PCP4: variants seen among roughly 807,000 people sequenced by gnomAD.
PCP4 encodes Purkinje cell protein 4.
Under a neutral mutation model 10.0 loss-of-function variants are expected in PCP4, and 8 were observed. The ratio of observed to expected loss-of-function variants is 0.80; its 90% CI spans 0.47 to 1.45. The LOEUF (loss-of-function observed/expected upper bound fraction) is 1.45. PCP4 is among the 40% of genes most tolerant of loss of function. The probability of loss-of-function intolerance (pLI) is 0.00; values close to 1 mark genes in which losing one functional copy is unlikely to be tolerated. For missense variants in PCP4, 54 were observed against 74.4 expected, an observed-to-expected ratio of 0.73 and a Z score of 1.01; for synonymous variants, 21 against 23.0, an observed-to-expected ratio of 0.91 and a Z score of 0.24.
chr21:39,903,895 A>AAG (rs1273171534), intron 2 of PCP4, among the ~76,000 whole-genome samples: 2 of 151,550 alleles, frequency 1.3e-5, no homozygotes, highest in Non-Finnish European at 2.9e-5. Flanking sequence ...AAAAAAAAAA[A>AAG]AGACTTAGTT....
chr21:39,885,465 C>A (rs573122022), intron 1 of PCP4, among the ~76,000 whole-genome samples: 49 of 152,216 alleles, frequency 3.2e-4, no homozygotes, highest in African/African-American at 1.1e-3. Flanking sequence ...ATCAGGCTGG[C>A]GGCTGGGGAA....
intron 1 of PCP4, among the ~76,000 whole-genome samples, chr21:39,872,577 A>G (rs1251975814): frequency 6.6e-6 from 1 of 152,256 alleles, no homozygotes; most frequent in Non-Finnish European, 1.5e-5. Flanking sequence ...TATGAAACAC[A>G]ACATTAAATA....
intron 2 of PCP4, among the ~76,000 whole-genome samples, chr21:39,927,127 C>T (rs756504553): frequency 6.6e-5 from 10 of 152,154 alleles, no homozygotes; most frequent in Non-Finnish European, 1.0e-4. Flanking sequence ...TGAAGGGTCC[C>T]AGGTGGAAAC....
chr21:39,926,225 T>G (rs891791919), intron 2 of PCP4: 1 of 308,112 alleles, frequency 3.2e-6, no homozygotes, highest in African/African-American at 2.2e-5. Flanking sequence ...ATGTAATATT[T>G]TTCAAATGAG....
chr21:39,928,718 A>T (rs550446728), intron 2 of PCP4, among the ~76,000 whole-genome samples: 1 of 152,334 alleles, frequency 6.6e-6, no homozygotes, highest in African/African-American at 2.4e-5. Flanking sequence ...ATGGTCACTG[A>T]GAACAGAAAA....
chr21:39,877,046 C>A (rs372615485), intron 1 of PCP4, among the ~76,000 whole-genome samples: 2 of 152,342 alleles, frequency 1.3e-5, no homozygotes, highest in South Asian at 2.1e-4. Context: ...GAATCTTGTG[C>A]AGAATCACAG....
intron 2 of PCP4, among the ~76,000 whole-genome samples, chr21:39,902,343 T>C (rs1214425248): frequency 1.3e-5 from 2 of 152,162 alleles, no homozygotes; most frequent in African/African-American, 4.8e-5. Context: ...TATAAAGCAA[T>C]AAAGACTGTG....
intron 2 of PCP4, among the ~76,000 whole-genome samples, chr21:39,910,117 C>T (rs919437964): frequency 2.6e-5 from 4 of 152,086 alleles, no homozygotes. Context: ...CATCCCAGAC[C>T]CTGAAAACAA....
rs2087638277 is a variant in PCP4, at chr21:39,929,017, T to C, written c.95T>C (p.Ile32Thr). 1.2e-6 allele frequency: 2 copies of C among 1,612,808 alleles called. No homozygotes were observed. Among genetic ancestry groups the C allele is most frequent in the East Asian group, 2.2e-5 (1 of 44,814 alleles). Residue 32 changes from isoleucine (I) to threonine (T), a missense_variant, in exon 3 of 3, where the codon ATT becomes ACT. By Grantham distance (89) the Ile-to-Thr change is moderately conservative. Coordinates refer to ENST00000328619, the MANE Select transcript of PCP4 (RefSeq NM_006198.3). Reference sequence around the variant, plus strand: ...AAGAAAGTTCAAGAAGAATTTGACATTGACATGGATGCACCAGAGACAGAA... The same window carrying C: ...AAGAAAGTTCAAGAAGAATTTGACACTGACATGGATGCACCAGAGACAGAA... Reference protein sequence around the residue: ...GQKKVQEEFDIDMDAPETERA... With the variant: ...GQKKVQEEFDTDMDAPETERA...
At chr21:39,904,114 C>G (rs1236180973) in intron 2 of PCP4, among the ~76,000 whole-genome samples, 2 of 152,048 alleles carry the variant, frequency 1.3e-5, no homozygotes, top group Non-Finnish European at 2.9e-5. Flanking sequence ...AGAGAGGTCC[C>G]AAGAAGGACT....
chr21:39,875,249 A>C (rs1217423227), intron 1 of PCP4, among the ~76,000 whole-genome samples: 1 of 127,870 alleles, frequency 7.8e-6, no homozygotes, highest in African/African-American at 3.4e-5. Context: ...TCAAATTGTA[A>C]ATTTTCTCAC....
chr21:39,920,439 A>T (rs9977425), intron 2 of PCP4, among the ~76,000 whole-genome samples: 137,125 of 151,632 alleles, frequency 0.9, 62,161 homozygotes, highest in Middle Eastern at 0.95. Context: ...GTGTGATGGG[A>T]GTGGATGTGT....
chr21:39,903,876 C>CAAAAA lies in PCP4; in HGVS notation c.61+5365_61+5369dup, dbSNP rs67572508. The stretch of plus-strand genomic sequence containing the variant: ...GAGTGGGACTCCGTCTCAAAAAAAA[C>CAAAAA]AAAAAAAAAAAAAAAAAAAAGACTT... On this transcript the variant is annotated intron_variant, in intron 2 of 2. Transcript: ENST00000328619. 2.0e-4 allele frequency among the ~76,000 whole-genome samples: 19 copies of CAAAAA among 95,538 alleles called. 2 individuals carry two copies. Among genetic ancestry groups the CAAAAA allele is most frequent in the South Asian group, 7.7e-4 (2 of 2,590 alleles). The allele number at this position is 95,538 out of a possible 152,430, so 62.7% of individuals were successfully genotyped here. A position where few individuals can be genotyped will look rare whatever the true frequency, so the allele number is the denominator to read the frequency against.
chr21:39,905,408 T>C (rs2087502131), intron 2 of PCP4, among the ~76,000 whole-genome samples: 1 of 152,086 alleles, frequency 6.6e-6, no homozygotes, highest in African/African-American at 2.4e-5. Flanking sequence ...AAAAATGACA[T>C]TGGAATTGCT....
At chr21:39,893,805 A>G (rs151331092) in intron 1 of PCP4, among the ~76,000 whole-genome samples, 91 of 152,356 alleles carry the variant, frequency 6.0e-4, no homozygotes, top group African/African-American at 2.1e-3. Flanking sequence ...TGTCTCACAG[A>G]GGGCCACCTG....
rs199747530 is a variant in PCP4, at chr21:39,912,103, A to AT, written c.61+13585dup. On this transcript the variant is annotated intron_variant, in intron 2 of 2. Transcript: ENST00000328619. Reference sequence around the variant, plus strand: ...AATCTCTAATAGACTGATGTTAGACATTTTTTTTTCTAACATTCTATCTAA... The same window carrying AT: ...AATCTCTAATAGACTGATGTTAGACATTTTTTTTTTCTAACATTCTATCTAA... Among the ~76,000 whole-genome samples, 702 of 151,422 alleles carry AT rather than the reference A, an allele frequency of 4.6e-3. 8 individuals are homozygous for AT. Among genetic ancestry groups the AT allele is most frequent in the African/African-American group, 0.016 (650 of 41,246 alleles).
chr21:39,889,165 C>G (rs1485245944), intron 1 of PCP4, among the ~76,000 whole-genome samples: 1 of 152,082 alleles, frequency 6.6e-6, no homozygotes, highest in African/African-American at 2.4e-5. Context: ...CTCTTTCTTT[C>G]TAGTGTTGCC....
At chr21:39,877,516 G>A (rs1221962703) in intron 1 of PCP4, among the ~76,000 whole-genome samples, 4 of 149,838 alleles carry the variant, frequency 2.7e-5, no homozygotes, top group Admixed American at 6.7e-5. Context: ...GCGAAACCCC[G>A]TCTCTACCAA....
intron 2 of PCP4, among the ~76,000 whole-genome samples, chr21:39,910,927 T>C (rs1263853939): frequency 6.6e-6 from 1 of 152,260 alleles, no homozygotes; most frequent in East Asian, 1.9e-4. Flanking sequence ...TACTCATTTG[T>C]TCCTGGTTCA....
Sources: gnomAD v4.1 joint callset for allele counts (sites outside exome capture counted in the v4.1 genomes callset) on GRCh38, gnomAD v4.1.1 for gene constraint, MANE v1.5 for transcripts, NCBI Gene and HGNC (gene_info 2026-07-23, HGNC 2026-07-21) for gene names.